The following FAM174A variants were observed in gnomAD, a reference collection of about 807,000 sequenced individuals.
The protein encoded by FAM174A is membrane protein FAM174A.
Under a neutral mutation model 14.3 loss-of-function variants are expected in FAM174A, and 14 were observed. The observed-to-expected ratio is 0.98, with a 90% CI of 0.65 to 1.53. The LOEUF is 1.53. Among genes scored for constraint, FAM174A ranks in the 40% most tolerant of loss-of-function variants. The pLI is 0.00. For synonymous variants in FAM174A, 108 were observed against 111.4 expected (o/e 0.97, Z 0.19); for missense variants, 241 against 249.6 (o/e 0.97, Z 0.23).
At chr5:100,558,530 C>T (rs1288976765) in intron 1 of FAM174A, among the ~76,000 whole-genome samples, 1 of 152,092 alleles carries the variant, frequency 6.6e-6, no homozygotes, top group African/African-American at 2.4e-5. Context: ...CTAATGTTGA[C>T]AGTGGGGTAT....
chr5:100,541,371 ATATTTT>A (rs1746047333), intron 1 of FAM174A, among the ~76,000 whole-genome samples: 2 of 152,166 alleles, frequency 1.3e-5, no homozygotes, highest in Non-Finnish European at 2.9e-5. Context: ...AAAAACTATT[ATATTTT>A]TGTAGAAGAC....
chr5:100,559,060 T>A (rs1401492699), intron 1 of FAM174A, among the ~76,000 whole-genome samples: 2 of 152,212 alleles, frequency 1.3e-5, no homozygotes, highest in Non-Finnish European at 2.9e-5. Context: ...TAGCATGTTT[T>A]TGCAGGGGCT....
At chr5:100,561,216 T>C (rs572596244) in intron 1 of FAM174A, among the ~76,000 whole-genome samples, 137 of 152,114 alleles carry the variant, frequency 9.0e-4, no homozygotes, top group Middle Eastern at 3.4e-3. Flanking sequence ...TGGCTAATAA[T>C]GAATGTTAAG....
chr5:100,559,099 T>C (rs979890020), intron 1 of FAM174A, among the ~76,000 whole-genome samples: 7 of 152,168 alleles, frequency 4.6e-5, no homozygotes, highest in African/African-American at 1.7e-4. Context: ...CCATGTTTAG[T>C]GCTTCCTTCA....
In FAM174A at chr5:100,559,303, A is replaced by G. The variant is rs527519876; in HGVS notation, c.435-2751A>G. 2.8e-4 allele frequency among the ~76,000 whole-genome samples: 43 copies of G among 152,234 alleles called. No homozygotes were observed. In the South Asian group the frequency reaches 8.3e-3, roughly 29 times the overall value. ...TGGCTTGTAGAGTTTCTGCCAAGAG[A>G]TCAGCTGTTAGTCTGATGGGCTTCC... On this transcript the variant is annotated intron_variant, in intron 1 of 2. Transcript: ENST00000312637.
chr5:100,575,516 C>G (rs935614474), intron 2 of FAM174A, among the ~76,000 whole-genome samples: 2 of 152,116 alleles, frequency 1.3e-5, no homozygotes, highest in South Asian at 2.1e-4. Flanking sequence ...GTTTTTTGTC[C>G]TTGCTATAGT....
At chr5:100,576,089 A>T (rs1396434447) in intron 2 of FAM174A, among the ~76,000 whole-genome samples, 1 of 152,142 alleles carries the variant, frequency 6.6e-6, no homozygotes, top group Non-Finnish European at 1.5e-5. Context: ...GCTCTTTCTG[A>T]GAGTGGTGTT....
chr5:100,568,640 C>T (rs975443246), intron 2 of FAM174A, among the ~76,000 whole-genome samples: 3 of 148,952 alleles, frequency 2.0e-5, no homozygotes, highest in Non-Finnish European at 4.5e-5. Context: ...GGCTTCAATA[C>T]TTTTACTAAT....
rs763084163 is a variant in FAM174A, at chr5:100,535,588, C to T, written c.58C>T (p.Leu20=). ...CCACCTCTTGGCTTCCGTCCTCCTC[C>T]TGCTGTTGCTGCCTGAACTAAGCGG... ...LSHLLASVLL[L]LLLPELSGPL... Residue 20 remains leucine (L), a synonymous_variant, in exon 1 of 3, where the codon CTG becomes TTG. Transcript: ENST00000312637. 3 of 1,613,188 alleles carry T rather than the reference C, an allele frequency of 1.9e-6. No individual in the cohort carries two copies. The highest frequency in any genetic ancestry group is 2.2e-5 in the East Asian group (1 of 44,888).
chr5:100,547,906 T>C (rs1746194883), intron 1 of FAM174A, among the ~76,000 whole-genome samples: 1 of 152,102 alleles, frequency 6.6e-6, no homozygotes, highest in Admixed American at 6.6e-5. Context: ...TGGGAGATTA[T>C]TAAGAATTCC....
chr5:100,583,536 G>A (rs1291102678), intron 2 of FAM174A, among the ~76,000 whole-genome samples: 1 of 152,128 alleles, frequency 6.6e-6, no homozygotes, highest in Non-Finnish European at 1.5e-5. Context: ...TGGTTCAGAA[G>A]CACTCATCTC....
chr5:100,559,886 G>A (rs1383275504), intron 1 of FAM174A, among the ~76,000 whole-genome samples: 3 of 151,914 alleles, frequency 2.0e-5, no homozygotes, highest in Non-Finnish European at 1.5e-5. Context: ...CTTTGCCATG[G>A]GTTCGAACTT....
At chr5:100,564,413 C>T (rs1746595094) in intron 2 of FAM174A, among the ~76,000 whole-genome samples, 1 of 151,696 alleles carries the variant, frequency 6.6e-6, no homozygotes, top group Admixed American at 6.6e-5. Flanking sequence ...GCAATAAATG[C>T]TTATGCTATG....
At chr5:100,569,440 T>C (rs1746730616) in intron 2 of FAM174A, among the ~76,000 whole-genome samples, 1 of 151,804 alleles carries the variant, frequency 6.6e-6, no homozygotes, top group African/African-American at 2.4e-5. Flanking sequence ...GGCTATAGCA[T>C]AATAACCATG....
At chr5:100,550,011 A>G (rs1746233148) in intron 1 of FAM174A, among the ~76,000 whole-genome samples, 1 of 152,168 alleles carries the variant, frequency 6.6e-6, no homozygotes, top group African/African-American at 2.4e-5. Flanking sequence ...TAAAAGTAGT[A>G]CAAAAAGCCA....
At chr5:100,546,698 C>A (rs1458837111) in intron 1 of FAM174A, among the ~76,000 whole-genome samples, 1 of 152,180 alleles carries the variant, frequency 6.6e-6, no homozygotes, top group African/African-American at 2.4e-5. Flanking sequence ...CCTGTGCTAT[C>A]TTATAAGTTA....
At chr5:100,576,946 C>T (rs539824234) in intron 2 of FAM174A, among the ~76,000 whole-genome samples, 1 of 152,062 alleles carries the variant, frequency 6.6e-6, no homozygotes, top group South Asian at 2.1e-4. Flanking sequence ...AGTCAGAGGC[C>T]GCATATGCTG....
At chr5:100,536,484 T>C (rs983411625) in intron 1 of FAM174A, among the ~76,000 whole-genome samples, 3 of 152,230 alleles carry the variant, frequency 2.0e-5, no homozygotes, top group Admixed American at 6.5e-5. Context: ...AGGTGCCTTA[T>C]GGATATTTTA....
chr5:100,548,870 C>G (rs1746210723), intron 1 of FAM174A, among the ~76,000 whole-genome samples: 1 of 152,060 alleles, frequency 6.6e-6, no homozygotes, highest in Non-Finnish European at 1.5e-5. Flanking sequence ...ATACCTCTGT[C>G]TCATAAACTA....
Sources: gnomAD v4.1 joint callset for allele counts (sites outside exome capture counted in the v4.1 genomes callset) on GRCh38, gnomAD v4.1.1 for gene constraint, MANE v1.5 for transcripts, NCBI Gene and HGNC (gene_info 2026-07-23, HGNC 2026-07-21) for gene names.